The following ABCA13 variants were observed in gnomAD, a reference collection of about 807,000 sequenced individuals.
The protein encoded by ABCA13 is ATP-binding cassette sub-family A member 13.
A neutral mutation model predicts 478.7 loss-of-function variants in ABCA13; 476 were observed. That is an observed-to-expected ratio of 0.99 (90% CI 0.92 to 1.07). The LOEUF (loss-of-function observed/expected upper bound fraction) is 1.07, where lower values mean the gene tolerates loss of function less well. Ranked by LOEUF, ABCA13 falls within the 50% of genes least tolerant of loss-of-function variation. The pLI, the probability that ABCA13 is intolerant of heterozygous loss-of-function variation, is 0.00. For synonymous variants in ABCA13, 2,252 were observed against 2,158.9 expected (o/e 1.04, Z -1.20); for missense variants, 6,060 against 5,910.6 (o/e 1.03, Z -0.83).
intron 55 of ABCA13, among the ~76,000 whole-genome samples, chr7:48,538,392 C>T (rs56241442): frequency 0.14 from 21,083 of 152,016 alleles, 1,838 homozygotes; most frequent in African/African-American, 0.23. Flanking sequence ...TGAGCCATCG[C>T]GCCCAGCCTA....
At chr7:48,332,968 G>A (rs1470156578) in intron 27 of ABCA13, among the ~76,000 whole-genome samples, 1 of 152,130 alleles carries the variant, frequency 6.6e-6, no homozygotes, top group East Asian at 1.9e-4. Context: ...TGAGTCTGTA[G>A]GTTTTTGTAT....
chr7:48,370,032 T>C (rs1363210031), intron 32 of ABCA13, among the ~76,000 whole-genome samples: 1 of 152,216 alleles, frequency 6.6e-6, no homozygotes, highest in Non-Finnish European at 1.5e-5. Flanking sequence ...GCATGGCATG[T>C]GTTTCCTTTG....
At chr7:48,213,055 C>T (rs761640131) in intron 3 of ABCA13, among the ~76,000 whole-genome samples, 2 of 151,710 alleles carry the variant, frequency 1.3e-5, no homozygotes, top group Admixed American at 6.6e-5. Flanking sequence ...ATAATTTTAG[C>T]TTTTGTTTAT....
chr7:48,287,989 T>A lies in ABCA13; in HGVS notation c.8866T>A (p.Cys2956Ser). The A allele has an allele frequency of 6.2e-7, 1 of 1,614,020 alleles. No homozygotes were observed. The highest frequency in any genetic ancestry group is 8.5e-7 in the Non-Finnish European group (1 of 1,179,876). The change falls in exon 20 of 62, where the codon TGT (cysteine) becomes AGT (serine). Residue 2956 changes from cysteine to serine, a missense_variant. By Grantham distance (112) the Cys-to-Ser change is moderately radical (BLOSUM62 -1). Around this residue, in one of 3 missense-constraint regions of ABCA13, gnomAD observed 4,423 missense variants for 4,309.1 expected, o/e 1.03. Transcript: ENST00000435803. ...ENPSWTKDIL[C>S]ATLSCKQNGI... Reference sequence around the variant, plus strand: ...CCCTTCCTGGACCAAGGACATTTTGTGTGCTACTCTGAGTTGCAAGCAAAA... The same window carrying A: ...CCCTTCCTGGACCAAGGACATTTTGAGTGCTACTCTGAGTTGCAAGCAAAA...
intron 19 of ABCA13, among the ~76,000 whole-genome samples, chr7:48,281,774 G>T (rs1797083446): frequency 6.6e-6 from 1 of 152,184 alleles, no homozygotes; most frequent in African/African-American, 2.4e-5. Context: ...GGGGTGTCTT[G>T]TCCAGAAGTG....
At chr7:48,189,967 C>CAG (rs994788575) in intron 1 of ABCA13, among the ~76,000 whole-genome samples, 1 of 152,068 alleles carries the variant, frequency 6.6e-6, no homozygotes, top group Non-Finnish European at 1.5e-5. Flanking sequence ...ACTGGAAGAA[C>CAG]AGAGAGTTAA....
chr7:48,634,130 G>C (rs1794437014), intron 59 of ABCA13, among the ~76,000 whole-genome samples: 1 of 152,106 alleles, frequency 6.6e-6, no homozygotes, highest in African/African-American at 2.4e-5. Context: ...TGCATTTCTA[G>C]AATAAATCTC....
At chr7:48,495,198 T>C (rs930005334) in intron 48 of ABCA13, among the ~76,000 whole-genome samples, 2 of 152,184 alleles carry the variant, frequency 1.3e-5, no homozygotes, top group East Asian at 3.8e-4. Flanking sequence ...AAAAAAGTTT[T>C]TACAAAGCTA....
chr7:48,434,456 G>C (rs1822558176), intron 42 of ABCA13, among the ~76,000 whole-genome samples: 1 of 151,610 alleles, frequency 6.6e-6, no homozygotes, highest in South Asian at 2.1e-4. Flanking sequence ...CTTTCCATGG[G>C]CTACCTTTTT....
intron 27 of ABCA13, among the ~76,000 whole-genome samples, chr7:48,328,322 GT>G (rs1320790879): frequency 1.3e-5 from 2 of 152,312 alleles, no homozygotes; most frequent in East Asian, 3.9e-4. Context: ...CTTTCTGACT[GT>G]AGGCATCAAA....
At position 48,274,550 on chromosome 7, in the gene ABCA13, A is replaced by C; in HGVS notation, c.4884A>C (p.Thr1628=). Residue 1628 remains threonine (T), a synonymous_variant, in exon 17 of 62, where the codon ACA becomes ACC. Coordinates refer to ENST00000435803, the MANE Select transcript of ABCA13 (RefSeq NM_152701.5). The stretch of plus-strand genomic sequence containing the variant: ...TTTCACCTGAAATAATGAAAGCTAC[A>C]GGTCTTGGTATTCAACTGATAAGGG... The part of the protein sequence containing the change: ...IIISPEIMKA[T]GLGIQLIRDV... 1 of 1,613,870 alleles carries C rather than the reference A, an allele frequency of 6.2e-7. No homozygotes were observed. Among genetic ancestry groups the C allele is most frequent in the Non-Finnish European group, 8.5e-7 (1 of 1,179,842 alleles).
chr7:48,206,103 A>G (rs1264181744), intron 3 of ABCA13, among the ~76,000 whole-genome samples: 1 of 152,186 alleles, frequency 6.6e-6, no homozygotes, highest in African/African-American at 2.4e-5. Context: ...TGCCTTTTCT[A>G]AATTTTATAT....
intron 55 of ABCA13, among the ~76,000 whole-genome samples, chr7:48,563,399 G>A (rs544646352): frequency 3.7e-4 from 57 of 152,242 alleles, no homozygotes; most frequent in East Asian, 1.2e-3. Flanking sequence ...GTACCTAGTC[G>A]GAGTAGGGAA....
chr7:48,372,486 C>T lies in ABCA13; in HGVS notation c.11122C>T (p.Gln3708Ter), dbSNP rs1812785315. The T allele has an allele frequency of 6.8e-7, 1 of 1,462,776 alleles. No individual in the cohort carries two copies. Among genetic ancestry groups the T allele is most frequent in the African/African-American group, 1.4e-5 (1 of 69,238 alleles). 90.6% of individuals were successfully genotyped at this position (1,462,776 alleles called of 1,614,324 possible). ...ACATAACCAATTAAGTTTTGTTAATCAGACATTTCTGGTAAGTAAGTTGTT... is the reference window on the plus strand; with the variant it reads ...ACATAACCAATTAAGTTTTGTTAATTAGACATTTCTGGTAAGTAAGTTGTT... The part of the protein sequence containing the change: ...VLHNQLSFVN[Q>*]TFLCLLSTTA... The change falls in exon 33 of 62, where the codon CAG (glutamine) becomes TAG (stop). Residue 3708 changes from glutamine (Q) to a stop codon, truncating the protein, a stop_gained. Coordinates refer to ENST00000435803, the MANE Select transcript of ABCA13 (RefSeq NM_152701.5). LOFTEE classifies it high-confidence loss of function.
intron 52 of ABCA13, among the ~76,000 whole-genome samples, chr7:48,519,140 T>C (rs1189946708): frequency 6.6e-6 from 1 of 152,234 alleles, no homozygotes; most frequent in Non-Finnish European, 1.5e-5. Flanking sequence ...GCAAAGGACA[T>C]GATCTCCTTC....
chr7:48,205,628 T>G (rs182462392), intron 3 of ABCA13, among the ~76,000 whole-genome samples: 82 of 152,310 alleles, frequency 5.4e-4, no homozygotes, highest in African/African-American at 1.9e-3. Context: ...AAAATATTAT[T>G]GGGATTTTTA....
chr7:48,238,478 T>C (rs1790300787), intron 8 of ABCA13, among the ~76,000 whole-genome samples: 1 of 152,076 alleles, frequency 6.6e-6, no homozygotes, highest in Non-Finnish European at 1.5e-5. Context: ...TTTTTTTTTT[T>C]TTTTCTTTAA....
chr7:48,523,329 G>C (rs114343368), intron 53 of ABCA13, among the ~76,000 whole-genome samples: 2,665 of 152,196 alleles, frequency 0.018, 82 homozygotes, highest in African/African-American at 0.06. Flanking sequence ...AGTTGCTGGG[G>C]ATACTGGGAG....
chr7:48,486,644 C>A (rs1485219233), intron 47 of ABCA13, among the ~76,000 whole-genome samples: 3 of 152,122 alleles, frequency 2.0e-5, no homozygotes, highest in Non-Finnish European at 4.4e-5. Flanking sequence ...TCTATTGCCA[C>A]AATAATGCTC....
Sources: allele counts gnomAD v4.1 joint callset (sites outside exome capture counted in the v4.1 genomes callset), GRCh38; gene constraint gnomAD v4.1.1; regional missense constraint gnomAD v4.1.1; transcripts MANE v1.5; gene names NCBI Gene and HGNC (gene_info 2026-07-23, HGNC 2026-07-21).